LDLRAP1: variants seen among roughly 807,000 people sequenced by gnomAD.
LDLRAP1 encodes low density lipoprotein receptor adaptor protein 1.
In LDLRAP1, 30 loss-of-function variants were observed where a neutral mutation model predicts 37.8. The observed-to-expected ratio is 0.79, with a 90% CI of 0.59 to 1.08. LDLRAP1 has a LOEUF of 1.08. Among genes scored for constraint, LDLRAP1 ranks in the 50% least tolerant of loss-of-function variants. The pLI, the probability that LDLRAP1 is intolerant of heterozygous loss-of-function variation, is 0.00. For missense variants in LDLRAP1, 375 were observed against 401.6 expected, an observed-to-expected ratio of 0.93 and a Z score of 0.57; for synonymous variants, 156 against 169.8, an observed-to-expected ratio of 0.92 and a Z score of 0.63.
At position 25,563,760 on chromosome 1, in the gene LDLRAP1, C is replaced by T; in HGVS notation, c.716C>T (p.Pro239Leu). 1 of 1,614,018 alleles carries T rather than the reference C, an allele frequency of 6.2e-7. No individual in the cohort carries two copies. The highest frequency in any genetic ancestry group is 8.5e-7 in the Non-Finnish European group (1 of 1,180,030). The change falls in exon 7 of 9, where the codon CCA (proline) becomes CTA (leucine). Residue 239 changes from proline (P) to leucine (L), a missense_variant. Pro to Leu is a moderately conservative substitution (Grantham distance 98). Transcript: ENST00000374338. ...ACCAACATGGACGAGGTGCCGCGGC[C>T]ACAAGCCTTGAGTGGCAGCAGTGTT... is the stretch of plus-strand genomic sequence containing the variant. Reference protein sequence around the residue: ...NTTNMDEVPRPQALSGSSVVW... With the variant: ...NTTNMDEVPRLQALSGSSVVW...
chr1:25,589,898 C>T, the LDLRAP1 span, among the ~76,000 whole-genome samples: 1 of 152,172 alleles, frequency 6.6e-6, no homozygotes. Context: ...GTCAAGAGAT[C>T]GAGGCCATCC....
intron 1 of LDLRAP1, 146 bp from the exon 2 acceptor site, chr1:25,553,770 CAAAAAA>C: frequency 9.0e-5 from 54 of 599,780 alleles, no homozygotes; most frequent in African/African-American, 1.0e-4. Context: ...AACTCAGTCT[CAAAAAA>C]AAAAAAAAAA....
chr1:25,551,226 T>G (rs1160840244), intron 1 of LDLRAP1, among the ~76,000 whole-genome samples: 1 of 152,166 alleles, frequency 6.6e-6, no homozygotes, highest in Non-Finnish European at 1.5e-5. Context: ...TAGATGGGTC[T>G]CAGGTTGAAA....
chr1:25,586,479 CGTGCGT>C, the LDLRAP1 span, among the ~76,000 whole-genome samples: 1 of 145,960 alleles, frequency 6.9e-6, no homozygotes, highest in African/African-American at 2.7e-5. The surrounding 1 kb of genome is among the most constrained non-coding windows in gnomAD (Gnocchi z 4.3). Context: ...CTGCTTCCCA[CGTGCGT>C]GTGCGTGTGT....
chr1:25,574,456 C>T, the LDLRAP1 span, among the ~76,000 whole-genome samples: 6 of 152,234 alleles, frequency 3.9e-5, no homozygotes, highest in Admixed American at 3.9e-4. Context: ...AAGGCAACCC[C>T]ATGTCCTCCT....
the LDLRAP1 span, among the ~76,000 whole-genome samples, chr1:25,586,589 T>TGCGCGC: frequency 7.9e-6 from 1 of 126,984 alleles, no homozygotes; most frequent in African/African-American, 3.9e-5. The surrounding 1 kb of genome is among the most constrained non-coding windows in gnomAD (Gnocchi z 4.3). Flanking sequence ...TGCGCGCGTG[T>TGCGCGC]GTGTGTGTGT....
intron 4 of LDLRAP1, among the ~76,000 whole-genome samples, chr1:25,559,773 A>G (rs1466619645): frequency 2.0e-5 from 3 of 152,132 alleles, no homozygotes; most frequent in African/African-American, 7.2e-5. Flanking sequence ...GCTAAGTGGA[A>G]GTGTTCTTGG....
chr1:25,557,564 A>G (rs996956465), intron 4 of LDLRAP1: 3 of 470,854 alleles, frequency 6.4e-6, no homozygotes, highest in African/African-American at 5.9e-5. Context: ...ATTGTTTTGG[A>G]TCTCCTGTCT....
the LDLRAP1 span, among the ~76,000 whole-genome samples, chr1:25,585,269 G>A: frequency 0.02 from 2,986 of 152,122 alleles, 103 homozygotes; most frequent in African/African-American, 0.068. Context: ...GAGGTGAGGC[G>A]ATTCACCTGA....
intron 3 of LDLRAP1, among the ~76,000 whole-genome samples, chr1:25,556,097 A>C (rs2044191263): frequency 1.3e-5 from 2 of 152,166 alleles, no homozygotes; most frequent in South Asian, 4.2e-4. Context: ...GCAGGGACCT[A>C]ACACCTTCAC....
chr1:25,553,223 T>G (rs987107233), intron 1 of LDLRAP1: 8 of 152,804 alleles, frequency 5.2e-5, no homozygotes, highest in African/African-American at 1.7e-4. Flanking sequence ...TTTGCCTCCC[T>G]GAGCCTCAGT....
chr1:25,584,737 G>C, the LDLRAP1 span, among the ~76,000 whole-genome samples: 1 of 152,126 alleles, frequency 6.6e-6, no homozygotes, highest in Non-Finnish European at 1.5e-5. Context: ...GGCCAGTCTT[G>C]CCTTCTCGGC....
At chr1:25,585,111 G>A in the LDLRAP1 span, among the ~76,000 whole-genome samples, 7,304 of 152,216 alleles carry the variant, frequency 0.048, 573 homozygotes, top group African/African-American at 0.16. Context: ...GGGCAGAGCG[G>A]TAAGAGTTGA....
At chr1:25,547,422 G>A (rs2043960900) in intron 1 of LDLRAP1, among the ~76,000 whole-genome samples, 1 of 152,008 alleles carries the variant, frequency 6.6e-6, no homozygotes. Flanking sequence ...GGCAGAGGTT[G>A]CAGTGAGCCG....
intron 4 of LDLRAP1, among the ~76,000 whole-genome samples, chr1:25,558,767 C>G (rs147643582): frequency 3.9e-4 from 59 of 152,336 alleles, no homozygotes; most frequent in African/African-American, 1.3e-3. Context: ...ATCGCCACAT[C>G]CTTAACTCAC....
chr1:25,554,031 G>A lies in LDLRAP1; in HGVS notation c.198G>A (p.Leu66=), dbSNP rs2044141716. Residue 66 remains leucine (L), a synonymous_variant, in exon 2 of 9, where the codon CTG becomes CTA. Coordinates refer to ENST00000374338, the MANE Select transcript of LDLRAP1 (RefSeq NM_015627.3). This position sits in a 1 kb window ranked among gnomAD's most constrained non-coding sequence, Gnocchi z 5.4. The stretch of plus-strand genomic sequence containing the variant: ...TGGAGCAGCCCAAGGGTGAGGAGCT[G>A]TCGGCCGCCGCCATCAAGAGGATCG... ...TLVEQPKGEE[L]SAAAIKRIVA... is the part of the protein sequence containing the mutation. 6.2e-7 allele frequency: 1 copy of A among 1,613,972 alleles called. No individual in the cohort carries two copies. The highest frequency in any genetic ancestry group is 1.1e-5 in the South Asian group (1 of 91,090).
chr1:25,563,210 CA>C, intron 6 of LDLRAP1, 57 bp downstream of exon 6: 1 of 1,481,162 alleles, frequency 6.8e-7, no homozygotes, highest in Non-Finnish European at 9.4e-7. Flanking sequence ...GCGCTTCACC[CA>C]GGGGGGTCCC....
intron 7 of LDLRAP1, chr1:25,564,122 C>A (rs1018684962): frequency 8.0e-6 from 3 of 375,390 alleles, no homozygotes; most frequent in Non-Finnish European, 1.5e-5. Context: ...ACCACCCCTC[C>A]CCCTCAGCCG....
chr1:25,582,315 G>T, the LDLRAP1 span, among the ~76,000 whole-genome samples: 1 of 152,132 alleles, frequency 6.6e-6, no homozygotes, highest in Non-Finnish European at 1.5e-5. Context: ...GTCTGGGCGT[G>T]GTGGCTCACG....
Sources: gnomAD v4.1 joint callset for allele counts (sites outside exome capture counted in the v4.1 genomes callset) on GRCh38, gnomAD v4.1.1 for gene constraint, Gnocchi (gnomAD v3.1) non-coding constraint, MANE v1.5 for transcripts, NCBI Gene and HGNC (gene_info 2026-07-23, HGNC 2026-07-21) for gene names.